The following TTC39C variants were observed in gnomAD, a reference collection of about 807,000 sequenced individuals.
The protein encoded by TTC39C is tetratricopeptide repeat domain 39C, also known as tetratricopeptide repeat protein 39C.
TTC39C carries 33 observed loss-of-function variants against 76.3 expected under a neutral mutation model. The ratio of observed to expected loss-of-function variants is 0.43; its 90% CI spans 0.33 to 0.58. The LOEUF is 0.58. Among genes scored for constraint, TTC39C ranks in the 20% least tolerant of loss-of-function variants. The pLI, the probability that TTC39C is intolerant of heterozygous loss-of-function variation, is 0.04. For synonymous variants in TTC39C, 254 were observed against 260.6 expected (o/e 0.97, Z 0.24); for missense variants, 595 against 701.4 (o/e 0.85, Z 1.71).
intron 1 of TTC39C, among the ~76,000 whole-genome samples, chr18:24,063,115 A>C (rs950107294): frequency 6.6e-6 from 1 of 152,374 alleles, no homozygotes; most frequent in African/African-American, 2.4e-5. Flanking sequence ...AGGTAATTAC[A>C]ACTAGCTTTT....
rs368426016 is a variant in TTC39C at position 24,079,995 on chromosome 18, T to C, written c.461-590T>C. The stretch of plus-strand genomic sequence containing the variant: ...TTTTGTATTTTTTATAGAGATGAGA[T>C]TTCTCCATGTTGCTCAGCCTGGTCT... On this transcript the variant is annotated intron_variant, in intron 4 of 13. Coordinates refer to ENST00000317571, the MANE Select transcript of TTC39C (RefSeq NM_001135993.2). Among the ~76,000 whole-genome samples, 7 of 152,030 alleles carry C rather than the reference T, an allele frequency of 4.6e-5. No homozygotes were observed. The East Asian group carries it at 9.7e-4, about 21-fold the overall frequency.
At chr18:24,054,493 T>C (rs1267249655) in intron 1 of TTC39C, among the ~76,000 whole-genome samples, 1 of 152,192 alleles carries the variant, frequency 6.6e-6, no homozygotes, top group Admixed American at 6.5e-5. Flanking sequence ...GTTTCAGTCG[T>C]GACTGTTCAA....
intron 8 of TTC39C, among the ~76,000 whole-genome samples, chr18:24,122,900 C>T (rs2084989915): frequency 6.6e-6 from 1 of 152,236 alleles, no homozygotes; most frequent in Non-Finnish European, 1.5e-5. Flanking sequence ...CACTTTGGTT[C>T]TCCTACCCTG....
intron 1 of TTC39C, chr18:24,015,284 G>T (rs975677138): frequency 7.8e-6 from 3 of 384,008 alleles, no homozygotes; most frequent in African/African-American, 4.2e-5. Context: ...CGCCCCGCGC[G>T]CCCGCAGTCC....
intron 1 of TTC39C, among the ~76,000 whole-genome samples, chr18:24,050,798 G>A (rs1249001155): frequency 2.6e-5 from 4 of 151,594 alleles, no homozygotes; most frequent in Non-Finnish European, 4.4e-5. Context: ...CTTGAACCCG[G>A]GATGCGAAAG....
chr18:24,075,701 A>G (rs962140266), intron 4 of TTC39C, among the ~76,000 whole-genome samples: 8 of 151,386 alleles, frequency 5.3e-5, no homozygotes, highest in Admixed American at 2.6e-4. Context: ...AAAAAAAAAA[A>G]AACAAAAAAA....
chr18:24,048,849 T>C (rs1408336804), intron 1 of TTC39C, among the ~76,000 whole-genome samples: 2 of 152,216 alleles, frequency 1.3e-5, no homozygotes, highest in African/African-American at 2.4e-5. Flanking sequence ...AGTGTGTAGG[T>C]AGAAAAATAG....
intron 1 of TTC39C, among the ~76,000 whole-genome samples, chr18:24,052,914 G>C (rs151208666): frequency 3.6e-4 from 55 of 152,320 alleles, no homozygotes; most frequent in Admixed American, 1.6e-3. Context: ...GAATGAGATA[G>C]AGCCACTGGG....
chr18:24,021,292 C>T (rs73402241), intron 1 of TTC39C, among the ~76,000 whole-genome samples: 3,579 of 152,266 alleles, frequency 0.024, 143 homozygotes, highest in African/African-American at 0.079. Context: ...TCTTTCAGCA[C>T]GTCCTCTCCT....
chr18:24,074,936 T>C (rs930499489), intron 4 of TTC39C, among the ~76,000 whole-genome samples: 1 of 151,920 alleles, frequency 6.6e-6, no homozygotes, highest in African/African-American at 2.4e-5. Context: ...ATAAAGAAAA[T>C]GTGGCACATA....
At chr18:24,123,187 A>G (rs1025300503) in intron 8 of TTC39C, among the ~76,000 whole-genome samples, 3 of 151,836 alleles carry the variant, frequency 2.0e-5, no homozygotes, top group African/African-American at 7.3e-5. Context: ...TATTTATTCC[A>G]CTTTGAGTAT....
At chr18:24,084,913 C>A (rs1057062896) in intron 6 of TTC39C, among the ~76,000 whole-genome samples, 3 of 152,200 alleles carry the variant, frequency 2.0e-5, no homozygotes, top group Non-Finnish European at 2.9e-5. Flanking sequence ...GATCCTCCAG[C>A]CTCGGCCTCC....
At chr18:24,039,911 C>T (rs2083771552) in intron 1 of TTC39C, among the ~76,000 whole-genome samples, 1 of 152,020 alleles carries the variant, frequency 6.6e-6, no homozygotes, top group African/African-American at 2.4e-5. Context: ...GATGGTGCGG[C>T]CATTCAGAGC....
At chr18:24,019,838 T>G in intron 1 of TTC39C, 1 of 1,522,548 alleles carries the variant, frequency 6.6e-7, no homozygotes, top group Non-Finnish European at 8.8e-7. Context: ...GCCTAAAATA[T>G]CTACTCTCTG....
At chr18:24,100,990 A>G (rs940091079) in intron 6 of TTC39C, among the ~76,000 whole-genome samples, 2 of 152,200 alleles carry the variant, frequency 1.3e-5, no homozygotes, top group Non-Finnish European at 2.9e-5. Context: ...CAAGGGGAAG[A>G]TAAGAATATG....
At chr18:24,027,138 A>G (rs1685226) in intron 1 of TTC39C, among the ~76,000 whole-genome samples, 2 of 152,068 alleles carry the variant, frequency 1.3e-5, no homozygotes, top group Non-Finnish European at 2.9e-5. Context: ...CTAAAAATAC[A>G]AAAATTAGCC....
In TTC39C at chr18:24,053,352, G is replaced by A. The variant is rs137883260; in HGVS notation, c.168-10788G>A. On this transcript the variant is annotated intron_variant, in intron 1 of 13. Coordinates refer to ENST00000317571, the MANE Select transcript of TTC39C (RefSeq NM_001135993.2). ...TAATAAACCATTGAATGAATGCCAC[G>A]TGAACAAGGTGCTGAAGACATCACT... Among the ~76,000 whole-genome samples the A allele has an allele frequency of 1.0e-2, 1,515 of 152,234 alleles. 31 individuals carry two copies. Among genetic ancestry groups the A allele is most frequent in the African/African-American group, 0.034 (1,417 of 41,520 alleles).
At position 24,035,685 on chromosome 18, in the gene TTC39C, A is replaced by T. The variant is rs150566656; in HGVS notation, c.167+20647A>T. The stretch of plus-strand genomic sequence containing the variant: ...TATGTATTCTGGATATTAACTCCTT[A>T]TCTAACGTATAATTTTCAGACATTT... On this transcript the variant is annotated intron_variant, in intron 1 of 13. Transcript: ENST00000317571. Among the ~76,000 whole-genome samples, 404 of 146,280 alleles carry T rather than the reference A, an allele frequency of 2.8e-3. 1 individual carries two copies. Among genetic ancestry groups the T allele is most frequent in the African/African-American group, 9.2e-3 (373 of 40,372 alleles).
In TTC39C at chr18:24,106,984, A is replaced by T. The variant is rs971291651; in HGVS notation, c.985-7570A>T. Among the ~76,000 whole-genome samples the T allele has an allele frequency of 3.3e-5, 5 of 152,154 alleles. No homozygotes were observed. In the South Asian group the frequency reaches 6.2e-4, roughly 19 times the overall value. On this transcript the variant is annotated intron_variant, in intron 6 of 13. Coordinates refer to ENST00000317571, the MANE Select transcript of TTC39C (RefSeq NM_001135993.2). The stretch of plus-strand genomic sequence containing the variant: ...ACAGGTGTGAGCCACCGTGCCCGAC[A>T]GGCAGAGGATACCTGGCAATATAGT...
Sources: gnomAD v4.1 joint callset for allele counts (sites outside exome capture counted in the v4.1 genomes callset) on GRCh38, gnomAD v4.1.1 for gene constraint, MANE v1.5 for transcripts, NCBI Gene and HGNC (gene_info 2026-07-23, HGNC 2026-07-21) for gene names.